The following UCN variants were observed in gnomAD, a reference collection of about 807,000 sequenced individuals.
UCN encodes the protein urocortin.
Under a neutral mutation model 6.5 loss-of-function variants are expected in UCN, and 5 were observed. That is an observed-to-expected ratio of 0.77 (90% CI 0.40 to 1.62). UCN has a LOEUF of 1.62. Ranked by LOEUF, UCN falls within the 40% of genes most tolerant of loss-of-function variation. The pLI, the probability that UCN is intolerant of heterozygous loss-of-function variation, is 0.02. For missense variants in UCN, 195 were observed against 188.8 expected, an observed-to-expected ratio of 1.03 and a Z score of -0.19; for synonymous variants, 95 against 96.4, an observed-to-expected ratio of 0.99 and a Z score of 0.09.
chr2:27,307,933 GT>G lies in UCN; in HGVS notation c.-13-26del. Reference sequence around the variant, plus strand: ...CCTGGACACACAGGGGCAGCGCAGGGTGAGGTGCGCCTGGGACAGCTGCAGG... The same window carrying G: ...CCTGGACACACAGGGGCAGCGCAGGGGAGGTGCGCCTGGGACAGCTGCAGG... On this transcript the variant is annotated intron_variant, in intron 1 of 1. Transcript: ENST00000296099. The surrounding 1 kb of genome is among the most constrained non-coding windows in gnomAD (Gnocchi z 6.9). 2.2e-6 allele frequency: 3 copies of G among 1,375,814 alleles called. No individual in the cohort carries two copies. The highest frequency in any genetic ancestry group is 2.8e-6 in the Non-Finnish European group (3 of 1,069,854). 85.2% of individuals were successfully genotyped at this position (1,375,814 alleles called of 1,614,324 possible). A position where few individuals can be genotyped will look rare whatever the true frequency, so the allele number is the denominator to read the frequency against.
Position 27,307,412 on chromosome 2 carries a change from CT to C in UCN, c.*108del. 1 of 1,509,652 alleles carries C rather than the reference CT, an allele frequency of 6.6e-7. No homozygotes were observed. 93.5% of individuals were successfully genotyped at this position (1,509,652 alleles called of 1,614,324 possible). On this transcript the variant is annotated 3_prime_UTR_variant, in exon 2 of 2. Coordinates refer to ENST00000296099, the MANE Select transcript of UCN (RefSeq NM_003353.4). The surrounding 1 kb of genome is among the most constrained non-coding windows in gnomAD (Gnocchi z 6.9). ...GACAAAAGCCAACGGGTCTTCAGTA[CT>C]TTTATTAAAAAATAGTCACGCAGAC...
At position 27,307,515 on chromosome 2, in the gene UCN, G is replaced by C. The variant is rs746078889; in HGVS notation, c.*6C>G. On this transcript the variant is annotated 3_prime_UTR_variant, in exon 2 of 2. Coordinates refer to ENST00000296099, the MANE Select transcript of UCN (RefSeq NM_003353.4). This position sits in a 1 kb window ranked among gnomAD's most constrained non-coding sequence, Gnocchi z 6.9. ...GTCAACGTTTTCGCAGCCCCAAACC[G>C]GGCCATCACTTGCCCACCGAGTCGA... 7 of 1,612,588 alleles carry C rather than the reference G, an allele frequency of 4.3e-6. No homozygotes were observed. In the Admixed American group the frequency reaches 1.2e-4, roughly 27 times the overall value.
In UCN at chr2:27,307,927, C is replaced by T. The variant is rs1469435554; in HGVS notation, c.-13-19G>A. 1.4e-6 allele frequency: 2 copies of T among 1,391,230 alleles called. No individual in the cohort carries two copies. The highest frequency in any genetic ancestry group is 1.5e-5 in the African/African-American group (1 of 65,830). 86.2% of individuals were successfully genotyped at this position (1,391,230 alleles called of 1,614,324 possible). The stretch of plus-strand genomic sequence containing the variant: ...GCCGGCCCTGGACACACAGGGGCAG[C>T]GCAGGGTGAGGTGCGCCTGGGACAG... On this transcript the variant is annotated intron_variant, in intron 1 of 1. Transcript: ENST00000296099. The surrounding 1 kb of genome is among the most constrained non-coding windows in gnomAD (Gnocchi z 6.9).
chr2:27,307,879 C>T lies in UCN; in HGVS notation c.17G>A (p.Arg6His). Reference sequence around the variant, plus strand: ...CAGCAGCGCGGCCAGCAGCGCTGCGCGTCCCGCCTGCCTCATGGTGCCGCC... The same window carrying T: ...CAGCAGCGCGGCCAGCAGCGCTGCGTGTCCCGCCTGCCTCATGGTGCCGCC... MRQAG[R>H]AALLAALLLL... is the part of the protein sequence containing the mutation. Residue 6 changes from arginine to histidine, a missense_variant, in exon 2 of 2, where the codon CGC (arginine) becomes CAC (histidine). By Grantham distance (29) the Arg-to-His change is conservative. Coordinates refer to ENST00000296099, the MANE Select transcript of UCN (RefSeq NM_003353.4). This position sits in a 1 kb window ranked among gnomAD's most constrained non-coding sequence, Gnocchi z 6.9. The T allele has an allele frequency of 6.8e-7, 1 of 1,479,470 alleles. No individual in the cohort carries two copies. Among genetic ancestry groups the T allele is most frequent in the African/African-American group, 1.5e-5 (1 of 68,166 alleles). The allele number at this position is 1,479,470 out of a possible 1,614,324, so 91.6% of individuals were successfully genotyped here.
At position 27,307,885 on chromosome 2, in the gene UCN, G is replaced by T; in HGVS notation, c.11C>A (p.Ala4Glu). 6.8e-7 allele frequency: 1 copy of T among 1,475,864 alleles called. No homozygotes were observed. Among genetic ancestry groups the T allele is most frequent in the East Asian group, 2.9e-5 (1 of 34,344 alleles). The allele number at this position is 1,475,864 out of a possible 1,614,324, so 91.4% of individuals were successfully genotyped here. Residue 4 changes from alanine to glutamate, a missense_variant, in exon 2 of 2, where the codon GCG (alanine) becomes GAG (glutamate). Coordinates refer to ENST00000296099, the MANE Select transcript of UCN (RefSeq NM_003353.4). This position sits in a 1 kb window ranked among gnomAD's most constrained non-coding sequence, Gnocchi z 6.9. MRQ[A>E]GRAALLAALL... Reference sequence around the variant, plus strand: ...CGCGGCCAGCAGCGCTGCGCGTCCCGCCTGCCTCATGGTGCCGCCGGCCCT... The same window carrying T: ...CGCGGCCAGCAGCGCTGCGCGTCCCTCCTGCCTCATGGTGCCGCCGGCCCT...
At position 27,307,689 on chromosome 2, in the gene UCN, G is replaced by C. The variant is rs912065075; in HGVS notation, c.207C>G (p.Gly69=). The C allele has an allele frequency of 6.3e-7, 1 of 1,578,800 alleles. No homozygotes were observed. The highest frequency in any genetic ancestry group is 1.4e-5 in the African/African-American group (1 of 73,062). ...CGCCTGCCGTCCCGAGTCCCAATCG[G>C]CCGGGCCCCGCGCGGCGCGGGAAGC... ...AERFPRRAGP[G]RLGLGTAGER... is the part of the protein sequence containing the mutation. Residue 69 remains glycine (G), a synonymous_variant, in exon 2 of 2, where the codon GGC becomes GGG. Transcript: ENST00000296099. The surrounding 1 kb of genome is among the most constrained non-coding windows in gnomAD (Gnocchi z 6.9).
rs919110226 is a variant in UCN, at chr2:27,307,861, G to C, written c.35C>G (p.Ala12Gly). ...RQAGRAALLA[A>G]LLLLVQLCPG... ...GCACAGCTGTACCAGGAGCAGCAGC[G>C]CGGCCAGCAGCGCTGCGCGTCCCGC... The change falls in exon 2 of 2, where the codon GCG becomes GGG. Residue 12 changes from alanine to glycine, a missense_variant. Transcript: ENST00000296099. This position sits in a 1 kb window ranked among gnomAD's most constrained non-coding sequence, Gnocchi z 6.9. The C allele has an allele frequency of 8.1e-6, 12 of 1,490,180 alleles. No individual in the cohort carries two copies. In the African/African-American group the frequency reaches 1.0e-4, roughly 13 times the overall value. The allele number at this position is 1,490,180 out of a possible 1,614,324, so 92.3% of individuals were successfully genotyped here.
Position 27,307,719 on chromosome 2 carries a change from C to T in UCN, c.177G>A (p.Ala59=), listed in dbSNP as rs781334246. 7 of 1,533,196 alleles carry T rather than the reference C, an allele frequency of 4.6e-6. No individual in the cohort carries two copies. In the East Asian group the frequency reaches 1.0e-4, roughly 22 times the overall value. The allele number at this position is 1,533,196 out of a possible 1,614,324, so 95.0% of individuals were successfully genotyped here. A position where few individuals can be genotyped will look rare whatever the true frequency, so the allele number is the denominator to read the frequency against. Residue 59 remains alanine, a synonymous_variant, in exon 2 of 2, where the codon GCG becomes GCA. Coordinates refer to ENST00000296099, the MANE Select transcript of UCN (RefSeq NM_003353.4). This position sits in a 1 kb window ranked among gnomAD's most constrained non-coding sequence, Gnocchi z 6.9. Reference sequence around the variant, plus strand: ...GCCCCGCGCGGCGCGGGAAGCGCTCCGCCAGCAGCAAGAGGAGCGCGCGGG... The same window carrying T: ...GCCCCGCGCGGCGCGGGAAGCGCTCTGCCAGCAGCAAGAGGAGCGCGCGGG... ...GGARALLLLL[A]ERFPRRAGPG... is the part of the protein sequence containing the mutation.
rs1056212890 is a variant in UCN, at chr2:27,308,003, G to A, written c.-13-95C>T. 55 of 1,155,614 alleles carry A rather than the reference G, an allele frequency of 4.8e-5. No homozygotes were observed. The South Asian group carries it at 1.1e-3, about 24-fold the overall frequency. The allele number at this position is 1,155,614 out of a possible 1,614,324, so 71.6% of individuals were successfully genotyped here. A position where few individuals can be genotyped will look rare whatever the true frequency, so the allele number is the denominator to read the frequency against. ...CGCTCGCCCGGCGACCCCTCCGGCC[G>A]CCGCCCAATGCCCGCAGCCTGCCCT... On this transcript the variant is annotated intron_variant, in intron 1 of 1. Transcript: ENST00000296099. This position sits in a 1 kb window ranked among gnomAD's most constrained non-coding sequence, Gnocchi z 4.2.
Position 27,307,550 on chromosome 2 carries a change from G to T in UCN, c.346C>A (p.Arg116Ser). The change falls in exon 2 of 2, where the codon CGC becomes AGC. Residue 116 changes from arginine (R) to serine (S), a missense_variant. Arg to Ser is a moderately radical substitution (Grantham distance 110, BLOSUM62 -1). Transcript: ENST00000296099. This position sits in a 1 kb window ranked among gnomAD's most constrained non-coding sequence, Gnocchi z 6.9. ...TTGCCCACCGAGTCGAATATGATGC[G>T]GTTCTGCTCGGCGCGCTCCCGCTGG... ...QSQRERAEQN[R>S]IIFDSVGK 1 of 1,613,006 alleles carries T rather than the reference G, an allele frequency of 6.2e-7. No individual in the cohort carries two copies. Among genetic ancestry groups the T allele is most frequent in the Non-Finnish European group, 8.5e-7 (1 of 1,179,934 alleles).
Position 27,307,696 on chromosome 2 carries a change from C to A in UCN, c.200G>T (p.Gly67Val), listed in dbSNP as rs1412003031. 3 of 1,570,178 alleles carry A rather than the reference C, an allele frequency of 1.9e-6. No individual in the cohort carries two copies. Among genetic ancestry groups the A allele is most frequent in the Non-Finnish European group, 1.7e-6 (2 of 1,159,916 alleles). Residue 67 changes from glycine to valine, a missense_variant, in exon 2 of 2, where the codon GGG becomes GTG. Transcript: ENST00000296099. This position sits in a 1 kb window ranked among gnomAD's most constrained non-coding sequence, Gnocchi z 6.9. ...LLAERFPRRA[G>V]PGRLGLGTAG... ...CGTCCCGAGTCCCAATCGGCCGGGC[C>A]CCGCGCGGCGCGGGAAGCGCTCCGC...
In UCN at chr2:27,307,860, C is replaced by T. The variant is rs1277331382; in HGVS notation, c.36G>A (p.Ala12=). The change falls in exon 2 of 2, where the codon GCG becomes GCA. Residue 12 remains alanine (A), a synonymous_variant. Coordinates refer to ENST00000296099, the MANE Select transcript of UCN (RefSeq NM_003353.4). The surrounding 1 kb of genome is among the most constrained non-coding windows in gnomAD (Gnocchi z 6.9). ...GGCACAGCTGTACCAGGAGCAGCAG[C>T]GCGGCCAGCAGCGCTGCGCGTCCCG... The part of the protein sequence containing the change: ...RQAGRAALLA[A]LLLLVQLCPG... The T allele has an allele frequency of 1.3e-6, 2 of 1,490,970 alleles. No individual in the cohort carries two copies. Among genetic ancestry groups the T allele is most frequent in the South Asian group, 1.3e-5 (1 of 79,508 alleles). The allele number at this position is 1,490,970 out of a possible 1,614,324, so 92.4% of individuals were successfully genotyped here.
Position 27,307,555 on chromosome 2 carries a change from T to C in UCN, c.341A>G (p.Gln114Arg). The C allele has an allele frequency of 6.2e-7, 1 of 1,612,938 alleles. No individual in the cohort carries two copies. Among genetic ancestry groups the C allele is most frequent in the Non-Finnish European group, 8.5e-7 (1 of 1,179,916 alleles). Residue 114 changes from glutamine to arginine, a missense_variant, in exon 2 of 2, where the codon CAG becomes CGG. Physicochemically the swap from Gln to Arg is conservative, Grantham distance 43. Coordinates refer to ENST00000296099, the MANE Select transcript of UCN (RefSeq NM_003353.4). The surrounding 1 kb of genome is among the most constrained non-coding windows in gnomAD (Gnocchi z 6.9). ...RTQSQRERAE[Q>R]NRIIFDSVGK ...CACCGAGTCGAATATGATGCGGTTC[T>C]GCTCGGCGCGCTCCCGCTGGCTCTG...
chr2:27,307,422 A>G lies in UCN; in HGVS notation c.*99T>C, dbSNP rs1679258252. On this transcript the variant is annotated 3_prime_UTR_variant, in exon 2 of 2. Coordinates refer to ENST00000296099, the MANE Select transcript of UCN (RefSeq NM_003353.4). This position sits in a 1 kb window ranked among gnomAD's most constrained non-coding sequence, Gnocchi z 6.9. ...AACGGGTCTTCAGTACTTTTATTAA[A>G]AAATAGTCACGCAGACAGTGCCCTG... 6.5e-7 allele frequency: 1 copy of G among 1,537,152 alleles called. No homozygotes were observed. Among genetic ancestry groups the G allele is most frequent in the East Asian group, 2.4e-5 (1 of 41,208 alleles).
rs1364667285 is a variant in UCN at position 27,307,834 on chromosome 2, G to A, written c.62C>T (p.Pro21Leu). 1 of 1,502,070 alleles carries A rather than the reference G, an allele frequency of 6.7e-7. No individual in the cohort carries two copies. The highest frequency in any genetic ancestry group is 8.8e-7 in the Non-Finnish European group (1 of 1,132,634). The allele number at this position is 1,502,070 out of a possible 1,614,324, so 93.0% of individuals were successfully genotyped here. A position where few individuals can be genotyped will look rare whatever the true frequency, so the allele number is the denominator to read the frequency against. ...AALLLLVQLCPGSSQRSPEAA... is the reference protein window; with the variant it reads ...AALLLLVQLCLGSSQRSPEAA... ...CTCGGGGCTCCTCTGGCTGCTCCCA[G>A]GGCACAGCTGTACCAGGAGCAGCAG... The change falls in exon 2 of 2, where the codon CCT becomes CTT. Residue 21 changes from proline to leucine, a missense_variant. Coordinates refer to ENST00000296099, the MANE Select transcript of UCN (RefSeq NM_003353.4). The surrounding 1 kb of genome is among the most constrained non-coding windows in gnomAD (Gnocchi z 6.9).
chr2:27,307,838 A>C lies in UCN; in HGVS notation c.58T>G (p.Cys20Gly), dbSNP rs1206351910. The stretch of plus-strand genomic sequence containing the variant: ...GGGCTCCTCTGGCTGCTCCCAGGGC[A>C]CAGCTGTACCAGGAGCAGCAGCGCG... ...LAALLLLVQLCPGSSQRSPEA... is the reference protein window; with the variant it reads ...LAALLLLVQLGPGSSQRSPEA... The change falls in exon 2 of 2, where the codon TGC becomes GGC. Residue 20 changes from cysteine (C) to glycine (G), a missense_variant. Cys to Gly is a radical substitution (Grantham distance 159). Transcript: ENST00000296099. This position sits in a 1 kb window ranked among gnomAD's most constrained non-coding sequence, Gnocchi z 6.9. 3 of 1,500,662 alleles carry C rather than the reference A, an allele frequency of 2.0e-6. No individual in the cohort carries two copies. The highest frequency in any genetic ancestry group is 2.8e-5 in the East Asian group (1 of 36,076). The allele number at this position is 1,500,662 out of a possible 1,614,324, so 93.0% of individuals were successfully genotyped here. A position where few individuals can be genotyped will look rare whatever the true frequency, so the allele number is the denominator to read the frequency against.
In UCN at chr2:27,307,984, C is replaced by T; in HGVS notation, c.-13-76G>A. Reference sequence around the variant, plus strand: ...GCCGCCGCTCCCCTCCCCGCGCTCGCCCGGCGACCCCTCCGGCCGCCGCCC... The same window carrying T: ...GCCGCCGCTCCCCTCCCCGCGCTCGTCCGGCGACCCCTCCGGCCGCCGCCC... On this transcript the variant is annotated intron_variant, in intron 1 of 1. Transcript: ENST00000296099. The surrounding 1 kb of genome is among the most constrained non-coding windows in gnomAD (Gnocchi z 6.9). 1.6e-6 allele frequency: 2 copies of T among 1,285,360 alleles called. No homozygotes were observed. The highest frequency in any genetic ancestry group is 3.1e-5 in the African/African-American group (2 of 63,900). The allele number at this position is 1,285,360 out of a possible 1,614,324, so 79.6% of individuals were successfully genotyped here.
chr2:27,307,516 G>A lies in UCN; in HGVS notation c.*5C>T, dbSNP rs1363136558. 3 of 1,612,716 alleles carry A rather than the reference G, an allele frequency of 1.9e-6. No homozygotes were observed. In the African/African-American group the frequency reaches 4.0e-5, roughly 22 times the overall value. On this transcript the variant is annotated 3_prime_UTR_variant, in exon 2 of 2. Transcript: ENST00000296099. This position sits in a 1 kb window ranked among gnomAD's most constrained non-coding sequence, Gnocchi z 6.9. ...TCAACGTTTTCGCAGCCCCAAACCGGGCCATCACTTGCCCACCGAGTCGAA... is the reference window on the plus strand; with the variant it reads ...TCAACGTTTTCGCAGCCCCAAACCGAGCCATCACTTGCCCACCGAGTCGAA...
Position 27,308,437 on chromosome 2 carries a change from C to G in UCN, c.-291G>C, listed in dbSNP as rs557722518. On this transcript the variant is annotated 5_prime_UTR_variant, in exon 1 of 2. Transcript: ENST00000296099. This position sits in a 1 kb window ranked among gnomAD's most constrained non-coding sequence, Gnocchi z 4.2. ...CCTGGGGCTAGCGCTGGAAGCAGCA[C>G]TGGACGCAGGAAAGCGAGAAGCCGG... 4.6e-4 allele frequency: 70 copies of G among 152,662 alleles called. No individual in the cohort carries two copies. The highest frequency in any genetic ancestry group is 1.7e-3 in the South Asian group (8 of 4,836). 9.5% of individuals were successfully genotyped at this position (152,662 alleles called of 1,614,324 possible). A position where few individuals can be genotyped will look rare whatever the true frequency, so the allele number is the denominator to read the frequency against.
Sources: allele counts gnomAD v4.1 joint callset, GRCh38; gene constraint gnomAD v4.1.1; non-coding constraint Gnocchi (gnomAD v3.1); transcripts MANE v1.5; gene names NCBI Gene and HGNC (gene_info 2026-07-23, HGNC 2026-07-21).